Variants in CNTN5 observed in about 807,000 individuals in gnomAD.
CNTN5 encodes contactin-5.
A neutral mutation model predicts 129.1 loss-of-function variants in CNTN5; 77 were observed. The ratio of observed to expected loss-of-function variants is 0.60; its 90% confidence interval spans 0.50 to 0.72. CNTN5 has a LOEUF of 0.72. Ranked by LOEUF, CNTN5 falls within the 30% of genes least tolerant of loss-of-function variation. The pLI, the probability that CNTN5 is intolerant of heterozygous loss-of-function variation, is 0.00. For missense variants in CNTN5, 1,478 were observed against 1,328.8 expected (o/e 1.11, Z -1.75); for synonymous variants, 509 against 465.6 (o/e 1.09, Z -1.20).
chr11:99,722,806 C>T (rs1943216730), intron 3 of CNTN5, among the ~76,000 whole-genome samples: 1 of 151,744 alleles, frequency 6.6e-6, no homozygotes, highest in Non-Finnish European at 1.5e-5. Flanking sequence ...AGATATAGCC[C>T]ATATGGGTTA....
intron 2 of CNTN5, among the ~76,000 whole-genome samples, chr11:99,514,949 A>C (rs963812917): frequency 6.6e-6 from 1 of 152,082 alleles, no homozygotes. Context: ...TAAAGAAAGG[A>C]AGATATTAGA....
intron 2 of CNTN5, among the ~76,000 whole-genome samples, chr11:99,482,974 G>T (rs1330061135): frequency 3.3e-5 from 5 of 151,784 alleles, no homozygotes. Flanking sequence ...AAGAGACCGA[G>T]GCCATCTTGG....
intron 3 of CNTN5, among the ~76,000 whole-genome samples, chr11:99,631,892 G>A (rs1951367983): frequency 1.3e-5 from 2 of 152,136 alleles, no homozygotes; most frequent in African/African-American, 4.8e-5. Flanking sequence ...GGTATTTTGA[G>A]AGACAGACCA....
intron 3 of CNTN5, among the ~76,000 whole-genome samples, chr11:99,630,668 G>A (rs754196892): frequency 2.6e-5 from 4 of 152,036 alleles, no homozygotes; most frequent in African/African-American, 4.8e-5. Flanking sequence ...GCTGGAGTTC[G>A]CAATTTACTT....
intron 4 of CNTN5, among the ~76,000 whole-genome samples, chr11:99,830,663 A>C (rs760587989): frequency 2.0e-5 from 3 of 152,184 alleles, no homozygotes; most frequent in Non-Finnish European, 2.9e-5. Flanking sequence ...CAATTTAAAA[A>C]TTGAGACCAT....
chr11:100,066,744 T>C (rs1444468882), intron 10 of CNTN5, among the ~76,000 whole-genome samples: 1 of 150,176 alleles, frequency 6.7e-6, no homozygotes, highest in Admixed American at 6.7e-5. Flanking sequence ...AGACTTTCCA[T>C]AATGCAGACC....
At chr11:99,953,645 CA>C (rs5794031) in intron 7 of CNTN5, among the ~76,000 whole-genome samples, 151,623 of 152,288 alleles carry the variant, frequency 1, 75,486 homozygotes, top group Middle Eastern at 1. Context: ...ATGATCATGC[CA>C]AGGGCAAAGG....
At chr11:99,106,188 A>C (rs542945891) in intron 1 of CNTN5, among the ~76,000 whole-genome samples, 4 of 152,270 alleles carry the variant, frequency 2.6e-5, no homozygotes, top group South Asian at 4.1e-4. Flanking sequence ...GATTTTACTC[A>C]TGATGTCACA....
rs376985181 is a variant in CNTN5, at chr11:99,689,626, C to A, written c.56-129918C>A. Among the ~76,000 whole-genome samples, 43 of 147,552 alleles carry A rather than the reference C, an allele frequency of 2.9e-4. 1 individual carries two copies. The South Asian group carries it at 9.3e-3, about 32-fold the overall frequency. Reference sequence around the variant, plus strand: ...GACATTTTAATAATCACCATTCTAACTGGTGTGAGATGGTATCTCATTGTG... The same window carrying A: ...GACATTTTAATAATCACCATTCTAAATGGTGTGAGATGGTATCTCATTGTG... On this transcript the variant is annotated intron_variant, in intron 3 of 24. Transcript: ENST00000524871.
chr11:99,129,369 T>G (rs1858815543), intron 1 of CNTN5, among the ~76,000 whole-genome samples: 1 of 152,120 alleles, frequency 6.6e-6, no homozygotes, highest in Middle Eastern at 3.4e-3. Flanking sequence ...TTGAAGGCCA[T>G]CTTGCTGAAA....
intron 18 of CNTN5, among the ~76,000 whole-genome samples, chr11:100,276,489 C>G: frequency 7.7e-6 from 1 of 129,522 alleles, no homozygotes; most frequent in Non-Finnish European, 1.5e-5. Context: ...GACATTGCAC[C>G]ACTGCACTCC....
chr11:99,830,455 T>A (rs191230627), intron 4 of CNTN5, among the ~76,000 whole-genome samples: 1 of 152,278 alleles, frequency 6.6e-6, no homozygotes, highest in African/African-American at 2.4e-5. Flanking sequence ...ACATGGGCAA[T>A]GGCATCCTGA....
intron 23 of CNTN5, among the ~76,000 whole-genome samples, chr11:100,348,326 G>A (rs1202307041): frequency 6.6e-6 from 1 of 151,880 alleles, no homozygotes. Flanking sequence ...TTAATTTAAT[G>A]TATCTTTTTA....
intron 1 of CNTN5, among the ~76,000 whole-genome samples, chr11:99,143,972 G>T (rs1413344433): frequency 6.6e-6 from 1 of 152,036 alleles, no homozygotes; most frequent in Non-Finnish European, 1.5e-5. Flanking sequence ...ACATTATAGT[G>T]ACCACATATT....
chr11:99,599,742 T>G (rs1199998998), intron 3 of CNTN5, among the ~76,000 whole-genome samples: 1 of 152,164 alleles, frequency 6.6e-6, no homozygotes, highest in Non-Finnish European at 1.5e-5. Context: ...TAATAAGAAT[T>G]TATTGAATGT....
At chr11:99,557,253 T>C (rs192373780) in intron 3 of CNTN5, among the ~76,000 whole-genome samples, 8 of 151,460 alleles carry the variant, frequency 5.3e-5, no homozygotes, top group African/African-American at 1.9e-4. Context: ...AATACATACA[T>C]GTTCCATTTA....
Position 99,422,558 on chromosome 11 carries a change from A to G in CNTN5, c.-71+97074A>G, listed in dbSNP as rs1295765001. On this transcript the variant is annotated intron_variant, in intron 2 of 24. Transcript: ENST00000524871. ...TATATATATATATATATATATATAT[A>G]TATCTGTATTTTAATTATACTTTAA... is the stretch of plus-strand genomic sequence containing the variant. 6.6e-3 allele frequency among the ~76,000 whole-genome samples: 832 copies of G among 125,146 alleles called. 12 individuals are homozygous for G. Among genetic ancestry groups the G allele is most frequent in the African/African-American group, 0.023 (774 of 33,116 alleles). 82.1% of individuals were successfully genotyped at this position (125,146 alleles called of 152,430 possible).
chr11:99,666,123 A>G (rs545342465), intron 3 of CNTN5, among the ~76,000 whole-genome samples: 1 of 151,902 alleles, frequency 6.6e-6, no homozygotes, highest in South Asian at 2.1e-4. Flanking sequence ...ATGTGTCACC[A>G]CGCCCGGCTG....
intron 3 of CNTN5, among the ~76,000 whole-genome samples, chr11:99,579,813 G>T (rs1204433361): frequency 6.6e-6 from 1 of 150,724 alleles, no homozygotes; most frequent in African/African-American, 2.5e-5. Flanking sequence ...CTAATTGAAT[G>T]CCCTTTATTC....
Sources: gnomAD v4.1 joint callset for allele counts (sites outside exome capture counted in the v4.1 genomes callset) on GRCh38, gnomAD v4.1.1 for gene constraint, MANE v1.5 for transcripts, NCBI Gene and HGNC (gene_info 2026-07-23, HGNC 2026-07-21) for gene names.